Variants in DTWD2 observed in about 807,000 individuals in gnomAD.
The protein encoded by DTWD2 is DTW motif tRNA-uridine aminocarboxypropyltransferase 2.
In DTWD2, 39 loss-of-function variants were observed where a neutral mutation model predicts 31.8. The ratio of observed to expected loss-of-function variants is 1.22; its 90% CI spans 0.95 to 1.60. DTWD2 has a LOEUF of 1.60. Among genes scored for constraint, DTWD2 ranks in the 40% most tolerant of loss-of-function variants. The pLI, the probability that DTWD2 is intolerant of heterozygous loss-of-function variation, is 0.00. For synonymous variants in DTWD2, 180 were observed against 142.8 expected (o/e 1.26, Z -1.86); for missense variants, 515 against 381.5 (o/e 1.35, Z -2.92).
At chr5:118,850,989 G>C (rs1290732348) in intron 4 of DTWD2, among the ~76,000 whole-genome samples, 2 of 152,140 alleles carry the variant, frequency 1.3e-5, no homozygotes, top group East Asian at 1.9e-4. Context: ...GCTCAGGCCT[G>C]CAATCCCAGC....
chr5:118,873,180 G>A (rs1298846933), intron 4 of DTWD2, among the ~76,000 whole-genome samples: 2 of 152,210 alleles, frequency 1.3e-5, no homozygotes, highest in Non-Finnish European at 2.9e-5. Context: ...AGAGGGTTTG[G>A]TGCAGGAGTG....
chr5:118,970,535 G>A (rs1054651300), intron 1 of DTWD2, among the ~76,000 whole-genome samples: 1 of 152,322 alleles, frequency 6.6e-6, no homozygotes, highest in East Asian at 1.9e-4. Context: ...GAAAGAGACA[G>A]GAAAATTGGA....
At chr5:118,905,095 CAT>C (rs1753297680) in intron 4 of DTWD2, among the ~76,000 whole-genome samples, 1 of 152,100 alleles carries the variant, frequency 6.6e-6, no homozygotes, top group Admixed American at 6.5e-5. Flanking sequence ...TATGTATGTA[CAT>C]GTGTGGATAT....
chr5:118,885,531 C>T (rs1357363005), intron 4 of DTWD2, among the ~76,000 whole-genome samples: 11 of 150,308 alleles, frequency 7.3e-5, no homozygotes, highest in Non-Finnish European at 1.5e-4. Context: ...TTTGGGAGGC[C>T]GAGGTGGGCG....
intron 1 of DTWD2, chr5:118,973,799 T>C (rs1755057544): frequency 3.7e-6 from 6 of 1,611,938 alleles, no homozygotes; most frequent in East Asian, 2.2e-5. Context: ...CCCCACCATG[T>C]CAGACGCAGC....
intron 4 of DTWD2, among the ~76,000 whole-genome samples, chr5:118,874,775 T>C (rs1247673335): frequency 6.6e-6 from 1 of 152,064 alleles, no homozygotes; most frequent in African/African-American, 2.4e-5. Flanking sequence ...AGGAACCAAC[T>C]TGGAAAACAT....
At position 118,924,770 on chromosome 5, in the gene DTWD2, C is replaced by T. The variant is rs188833117; in HGVS notation, c.597+3767G>A. On this transcript the variant is annotated intron_variant, in intron 4 of 5. Coordinates refer to ENST00000510708, the MANE Select transcript of DTWD2 (RefSeq NM_173666.4). ...AAACAGTATACCACTGTGGTTGAGA[C>T]TACTGGCTTTAGCTCTAACAAGATG... Among the ~76,000 whole-genome samples, 29 of 152,318 alleles carry T rather than the reference C, an allele frequency of 1.9e-4. 1 individual carries two copies. In the East Asian group the frequency reaches 5.6e-3, roughly 29 times the overall value.
chr5:118,889,733 A>C (rs2149559359), intron 4 of DTWD2, among the ~76,000 whole-genome samples: 1 of 152,276 alleles, frequency 6.6e-6, no homozygotes, highest in African/African-American at 2.4e-5. Context: ...AATCTCAAAA[A>C]ACGATAGTTT....
rs764058865 is a variant in DTWD2 at position 118,988,498 on chromosome 5, T to C, written c.14A>G (p.Lys5Arg). 6 of 1,578,174 alleles carry C rather than the reference T, an allele frequency of 3.8e-6. No individual in the cohort carries two copies. Among genetic ancestry groups the C allele is most frequent in the Non-Finnish European group, 5.2e-6 (6 of 1,164,560 alleles). Residue 5 changes from lysine (K) to arginine (R), a missense_variant, in exon 1 of 6, where the codon AAA becomes AGA. Physicochemically the swap from Lys to Arg is conservative, Grantham distance 26 (BLOSUM62 2). Coordinates refer to ENST00000510708, the MANE Select transcript of DTWD2 (RefSeq NM_173666.4). MESQ[K>R]EARTLQEPVA... Reference sequence around the variant, plus strand: ...GGGCTCCTGGAGTGTTCGTGCCTCTTTCTGCGACTCCATGGCGGACACTCC... The same window carrying C: ...GGGCTCCTGGAGTGTTCGTGCCTCTCTCTGCGACTCCATGGCGGACACTCC...
intron 1 of DTWD2, among the ~76,000 whole-genome samples, chr5:118,980,268 C>G (rs1755269749): frequency 6.6e-6 from 1 of 152,196 alleles, no homozygotes; most frequent in Non-Finnish European, 1.5e-5. Context: ...GTCCTTCAGC[C>G]AGGACGCAAA....
intron 4 of DTWD2, among the ~76,000 whole-genome samples, chr5:118,869,587 A>G (rs553406544): frequency 6.6e-6 from 1 of 152,178 alleles, no homozygotes; most frequent in South Asian, 2.1e-4. Flanking sequence ...ATACCATAAC[A>G]TAATGTTCAT....
chr5:118,979,378 G>GA (rs1006485479), intron 1 of DTWD2, among the ~76,000 whole-genome samples: 3 of 151,914 alleles, frequency 2.0e-5, no homozygotes, highest in African/African-American at 4.8e-5. Context: ...AGGTTGTGGA[G>GA]AAAAAAAGAA....
At chr5:118,893,863 C>T (rs1753027052) in intron 4 of DTWD2, among the ~76,000 whole-genome samples, 1 of 152,150 alleles carries the variant, frequency 6.6e-6, no homozygotes, top group African/African-American at 2.4e-5. Flanking sequence ...GATCTACAAG[C>T]ACAAAGAACT....
intron 4 of DTWD2, among the ~76,000 whole-genome samples, chr5:118,862,839 T>C (rs62374074): frequency 0.015 from 2,211 of 152,322 alleles, 24 homozygotes; most frequent in Non-Finnish European, 0.024. Context: ...TTAGGGGTCA[T>C]CATATGAGCC....
At chr5:118,881,841 C>A (rs1752749440) in intron 4 of DTWD2, among the ~76,000 whole-genome samples, 1 of 152,160 alleles carries the variant, frequency 6.6e-6, no homozygotes, top group African/African-American at 2.4e-5. Flanking sequence ...ACAGGTCCGT[C>A]CTCCAACACT....
In DTWD2 at chr5:118,934,064, C is replaced by CA. The variant is rs535080245; in HGVS notation, c.404+5131dup. Among the ~76,000 whole-genome samples, 52 of 150,406 alleles carry CA rather than the reference C, an allele frequency of 3.5e-4. No homozygotes were observed. In the South Asian group the frequency reaches 0.011, roughly 31 times the overall value. ...TTTAAATACCATTAAAATAGCCCTG[C>CA]AAAAATGAAATTCTTAGGTGTGAAT... is the stretch of plus-strand genomic sequence containing the variant. On this transcript the variant is annotated intron_variant, in intron 3 of 5. Transcript: ENST00000510708.
intron 4 of DTWD2, among the ~76,000 whole-genome samples, chr5:118,872,774 G>A (rs1439464403): frequency 1.3e-5 from 2 of 152,092 alleles, no homozygotes; most frequent in African/African-American, 2.4e-5. Context: ...TTGGAAAAAC[G>A]GTGCTGACAG....
intron 4 of DTWD2, among the ~76,000 whole-genome samples, chr5:118,877,631 A>C (rs1580781679): frequency 6.6e-6 from 1 of 152,172 alleles, no homozygotes; most frequent in African/African-American, 2.4e-5. Context: ...CCAGCAAAAC[A>C]CAAAGATGCC....
At chr5:118,933,655 T>C (rs1398937548) in intron 3 of DTWD2, among the ~76,000 whole-genome samples, 1 of 152,106 alleles carries the variant, frequency 6.6e-6, no homozygotes, top group African/African-American at 2.4e-5. Flanking sequence ...ATGTCCTCAG[T>C]TTAGTAAAGA....
Sources: allele counts gnomAD v4.1 joint callset (sites outside exome capture counted in the v4.1 genomes callset), GRCh38; gene constraint gnomAD v4.1.1; transcripts MANE v1.5; gene names NCBI Gene and HGNC (gene_info 2026-07-23, HGNC 2026-07-21).